CEP192: variants seen among roughly 807,000 people sequenced by gnomAD.
CEP192 encodes the protein centrosomal protein 192.
Under a neutral mutation model 271.8 loss-of-function variants are expected in CEP192, and 151 were observed. The observed-to-expected ratio is 0.56, with a 90% CI of 0.49 to 0.64. The LOEUF is 0.64. Ranked by LOEUF, CEP192 falls within the 30% of genes least tolerant of loss-of-function variation. CEP192 has a pLI of 0.00. For synonymous variants in CEP192, 995 were observed against 1,076.5 expected (o/e 0.92, Z 1.48); for missense variants, 2,910 against 3,020.5 (o/e 0.96, Z 0.86).
intron 30 of CEP192, among the ~76,000 whole-genome samples, chr18:13,081,400 T>C (rs545570802): frequency 9.8e-5 from 15 of 152,370 alleles, no homozygotes; most frequent in African/African-American, 3.4e-4. Flanking sequence ...CCATTTCTTC[T>C]AGATTTTCTA....
At chr18:13,009,636 T>C (rs1475280476) in intron 4 of CEP192, among the ~76,000 whole-genome samples, 2 of 151,954 alleles carry the variant, frequency 1.3e-5, no homozygotes, top group Non-Finnish European at 2.9e-5. Flanking sequence ...AGTTCAAGAC[T>C]AGCCTGGCCA....
At chr18:13,000,091 C>CTCTCTTTT (rs1555698196) in intron 2 of CEP192, among the ~76,000 whole-genome samples, 959 of 76,664 alleles carry the variant, frequency 0.013, 150 homozygotes, top group Admixed American at 0.029. Flanking sequence ...TGTCTTCTCT[C>CTCTCTTTT]TTTTTTTTTT....
In CEP192 at chr18:13,013,029, A is replaced by T; in HGVS notation, c.519+4A>T. 7.1e-7 allele frequency: 1 copy of T among 1,412,798 alleles called. No individual in the cohort carries two copies. Among genetic ancestry groups the T allele is most frequent in the Non-Finnish European group, 9.8e-7 (1 of 1,023,434 alleles). 87.5% of individuals were successfully genotyped at this position (1,412,798 alleles called of 1,614,324 possible). On this transcript the variant is annotated splice_donor_region_variant and intron_variant, in intron 5 of 44. Transcript: ENST00000506447. ...GATGAATAATAAGGAACCCAAGGTA[A>T]CCTTTTATATATTTGGTATCATTTT...
chr18:13,038,685 A>T lies in CEP192; in HGVS notation c.1809+106A>T, dbSNP rs2036039757. The T allele has an allele frequency of 4.7e-6, 4 of 857,620 alleles. No individual in the cohort carries two copies. The Admixed American group carries it at 9.4e-5, about 20-fold the overall frequency. 53.1% of individuals were successfully genotyped at this position (857,620 alleles called of 1,614,324 possible). On this transcript the variant is annotated intron_variant, in intron 13 of 44. Transcript: ENST00000506447. Reference sequence around the variant, plus strand: ...ATGGAGATAGAATAGGATGGGACAGAAGAGTGGTAAAAAACTTAGGTTTCA... The same window carrying T: ...ATGGAGATAGAATAGGATGGGACAGTAGAGTGGTAAAAAACTTAGGTTTCA...
intron 15 of CEP192, among the ~76,000 whole-genome samples, chr18:13,043,703 C>A (rs1568325830): frequency 6.6e-6 from 1 of 152,156 alleles, no homozygotes; most frequent in African/African-American, 2.4e-5. Context: ...ATTTATGGAG[C>A]AGTAAAATTG....
At chr18:13,070,246 A>G (rs143612705) in intron 27 of CEP192, among the ~76,000 whole-genome samples, 10 of 152,300 alleles carry the variant, frequency 6.6e-5, no homozygotes, top group African/African-American at 2.4e-4. Context: ...CTGAATGACA[A>G]AGTCCGTATA....
In CEP192 at chr18:13,096,299, C is replaced by G. The variant is rs141203873; in HGVS notation, c.6549C>G (p.Val2183=). ...CAGTCACGCCGCAGCATGGATGTGT[C>G]GCGCCAGAGTAAGTCTGACTTCTGT... ...CLTVTPQHGC[V]APESKLQILV... Residue 2183 remains valine (V), a synonymous_variant, in exon 36 of 45, where the codon GTC becomes GTG. Transcript: ENST00000506447. 12 of 1,613,150 alleles carry G rather than the reference C, an allele frequency of 7.4e-6. No homozygotes were observed. The African/African-American group carries it at 9.3e-5, about 13-fold the overall frequency.
rs191503178 is a variant in CEP192 at position 13,056,095 on chromosome 18, C to T, written c.3505C>T (p.Leu1169Phe). 3.7e-6 allele frequency: 6 copies of T among 1,613,386 alleles called. No homozygotes were observed. The highest frequency in any genetic ancestry group is 2.2e-5 in the East Asian group (1 of 44,898). The change falls in exon 19 of 45, where the codon CTC becomes TTC. Residue 1169 changes from leucine (L) to phenylalanine (F), a missense_variant. Transcript: ENST00000506447. ...GGAATTGGACCCGATCAGGCTGGCT[C>T]TCCTGGGCAAGTCAGGTCTGAGCTG... is the stretch of plus-strand genomic sequence containing the variant. ...PEELDPIRLA[L>F]LGKSGLSCQV... is the part of the protein sequence containing the mutation.
At chr18:13,052,889 C>T in intron 17 of CEP192, 30 bp from the exon 18 acceptor site, 1 of 1,295,726 alleles carries the variant, frequency 7.7e-7, no homozygotes, top group South Asian at 1.8e-5. Flanking sequence ...GACTGGAGAA[C>T]TCCAGGTGTG....
Position 13,056,064 on chromosome 18 carries a change from C to G in CEP192, c.3474C>G (p.Asn1158Lys). 1.2e-6 allele frequency: 2 copies of G among 1,614,092 alleles called. No individual in the cohort carries two copies. The highest frequency in any genetic ancestry group is 1.7e-6 in the Non-Finnish European group (2 of 1,179,968). Residue 1158 changes from asparagine to lysine, a missense_variant, in exon 19 of 45, where the codon AAC (asparagine) becomes AAG (lysine). Asn to Lys is a moderately conservative substitution (Grantham distance 94). Coordinates refer to ENST00000506447, the MANE Select transcript of CEP192 (RefSeq NM_032142.4). ...CCAGTGAGGTAGGTTGGACATCAAA[C>G]CCTGAGGAATTGGACCCGATCAGGC... ...LETSEVGWTS[N>K]PEELDPIRLA...
rs2034580745 is a variant in CEP192 at position 13,015,310 on chromosome 18, C to T, written c.520-18C>T. The T allele has an allele frequency of 1.9e-6, 3 of 1,547,306 alleles. No individual in the cohort carries two copies. Among genetic ancestry groups the T allele is most frequent in the Non-Finnish European group, 2.6e-6 (3 of 1,145,702 alleles). On this transcript the variant is annotated intron_variant, in intron 5 of 44. Coordinates refer to ENST00000506447, the MANE Select transcript of CEP192 (RefSeq NM_032142.4). Reference sequence around the variant, plus strand: ...GCCCTGAATGTGCTTCTCTTACTTGCCATTTTGTTTCTTATAGATTGTTGT... The same window carrying T: ...GCCCTGAATGTGCTTCTCTTACTTGTCATTTTGTTTCTTATAGATTGTTGT...
At chr18:13,087,467 A>T in intron 31 of CEP192, 64 bp from the exon 32 acceptor site, 1 of 999,070 alleles carries the variant, frequency 1.0e-6, no homozygotes, top group Non-Finnish European at 1.5e-6. Flanking sequence ...AAGATTGTTG[A>T]ATCAGATTGA....
At position 13,069,180 on chromosome 18, in the gene CEP192, A is replaced by G. The variant is rs2037876216; in HGVS notation, c.5054A>G (p.Lys1685Arg). 2 of 1,611,704 alleles carry G rather than the reference A, an allele frequency of 1.2e-6. No individual in the cohort carries two copies. Among genetic ancestry groups the G allele is most frequent in the East Asian group, 2.2e-5 (1 of 44,878 alleles). ...AACATTGAAGTTTATTTGGATATCAAGGTATGCACTTCCATGAGAGTGCCA... is the reference window on the plus strand; with the variant it reads ...AACATTGAAGTTTATTTGGATATCAGGGTATGCACTTCCATGAGAGTGCCA... ...AGNIEVYLDI[K>R]VPEQGSHFSV... Residue 1685 changes from lysine to arginine, a missense_variant and splice_region_variant, in exon 26 of 45, where the codon AAG becomes AGG. By Grantham distance (26) the Lys-to-Arg change is conservative. Coordinates refer to ENST00000506447, the MANE Select transcript of CEP192 (RefSeq NM_032142.4).
chr18:13,000,253 C>T (rs1178867165), intron 2 of CEP192: 3 of 151,928 alleles, frequency 2.0e-5, no homozygotes, highest in African/African-American at 7.3e-5. Context: ...AGCTACCATA[C>T]CTGGCCTCTG....
intron 30 of CEP192, among the ~76,000 whole-genome samples, chr18:13,077,263 T>C (rs1172537113): frequency 6.6e-6 from 1 of 152,198 alleles, no homozygotes; most frequent in East Asian, 1.9e-4. Flanking sequence ...ATCCCTAATC[T>C]GAAAATTCAA....
At chr18:12,995,205 G>A (rs1174357819) in intron 1 of CEP192, among the ~76,000 whole-genome samples, 1 of 151,998 alleles carries the variant, frequency 6.6e-6, no homozygotes, top group Non-Finnish European at 1.5e-5. Context: ...GGGACTACAG[G>A]CGCCCGCCAC....
chr18:13,008,538 A>G lies in CEP192; in HGVS notation c.373A>G (p.Thr125Ala), dbSNP rs2034123718. ...CAAACAGTCAGCTTTACAAATGGAG[A>G]CAGCAGGACCAGAAGAGGAGCCAGC... The part of the protein sequence containing the change: ...LSKQSALQME[T>A]AGPEEEPAGA... Residue 125 changes from threonine to alanine, a missense_variant, in exon 4 of 45, where the codon ACA (threonine) becomes GCA (alanine). Coordinates refer to ENST00000506447, the MANE Select transcript of CEP192 (RefSeq NM_032142.4). 2 of 1,551,552 alleles carry G rather than the reference A, an allele frequency of 1.3e-6. No homozygotes were observed. Among genetic ancestry groups the G allele is most frequent in the Non-Finnish European group, 1.7e-6 (2 of 1,146,854 alleles).
At chr18:13,001,416 A>T (rs1255713898) in intron 2 of CEP192, 41 bp from the exon 3 acceptor site, 3 of 1,373,108 alleles carry the variant, frequency 2.2e-6, no homozygotes, top group South Asian at 2.6e-5. Context: ...AAATATGTGT[A>T]ATTTAATTCT....
At chr18:13,002,540 G>C (rs2033719763) in intron 3 of CEP192, among the ~76,000 whole-genome samples, 1 of 151,982 alleles carries the variant, frequency 6.6e-6, no homozygotes, top group Non-Finnish European at 1.5e-5. Context: ...AAATTGCTGA[G>C]GTAAAAATAG....
Sources: allele counts gnomAD v4.1 joint callset (sites outside exome capture counted in the v4.1 genomes callset), GRCh38; gene constraint gnomAD v4.1.1; transcripts MANE v1.5; gene names NCBI Gene and HGNC (gene_info 2026-07-23, HGNC 2026-07-21).